CPAP: variants seen among roughly 807,000 people sequenced by gnomAD.
CPAP encodes the protein centrosomal P4.1-associated protein.
the CPAP span, among the ~76,000 whole-genome samples, chr13:24,897,157 G>A: frequency 2.6e-5 from 4 of 152,256 alleles, no homozygotes; most frequent in African/African-American, 7.2e-5. Flanking sequence ...CAGGAGAATC[G>A]CTTGAATCTG....
At chr13:24,933,968 C>T in the CPAP span, among the ~76,000 whole-genome samples, 1 of 152,146 alleles carries the variant, frequency 6.6e-6, no homozygotes, top group African/African-American at 2.4e-5. Context: ...TCATGTCATC[C>T]GCCTGTCTCG....
At chr13:24,916,428 T>C in the CPAP span, among the ~76,000 whole-genome samples, 2 of 151,910 alleles carry the variant, frequency 1.3e-5, no homozygotes, top group Non-Finnish European at 2.9e-5. Context: ...GAAAAAGAAA[T>C]ACAGATGCCA....
the CPAP span, among the ~76,000 whole-genome samples, chr13:24,905,033 T>C: frequency 1.3e-5 from 2 of 152,202 alleles, no homozygotes; most frequent in African/African-American, 4.8e-5. Flanking sequence ...CATATGCTTT[T>C]ATATGCACGG....
chr13:24,912,631 T>A, the CPAP span: 10 of 1,613,736 alleles, frequency 6.2e-6, no homozygotes, highest in South Asian at 1.1e-4. Flanking sequence ...TTCTTTGAAT[T>A]CACTCGCAAG....
chr13:24,896,651 G>C, the CPAP span, among the ~76,000 whole-genome samples: 1 of 152,198 alleles, frequency 6.6e-6, no homozygotes, highest in Non-Finnish European at 1.5e-5. Flanking sequence ...AAAGAAGTGT[G>C]TTTGCTCTGG....
chr13:24,904,976 A>G, the CPAP span, among the ~76,000 whole-genome samples: 1 of 152,180 alleles, frequency 6.6e-6, no homozygotes, highest in Admixed American at 6.5e-5. Context: ...AGTATACAAA[A>G]AGAGTCTTTT....
chr13:24,932,922 TCCAG>T, the CPAP span: 3 of 792,682 alleles, frequency 3.8e-6, no homozygotes, highest in Admixed American at 5.1e-5. Flanking sequence ...GCCTAATTTT[TCCAG>T]TTTGTATGTA....
chr13:24,884,170 C>A, the CPAP span: 1 of 1,614,054 alleles, frequency 6.2e-7, no homozygotes, highest in Non-Finnish European at 8.5e-7. Context: ...CCTATTTGTC[C>A]ACTTGAGAAA....
At chr13:24,908,153 G>T in the CPAP span, 1 of 1,508,976 alleles carries the variant, frequency 6.6e-7, no homozygotes, top group South Asian at 1.1e-5. Context: ...GAACAATTTA[G>T]CTCAAGAAAA....
chr13:24,884,591 T>C, the CPAP span: 1 of 916,756 alleles, frequency 1.1e-6, no homozygotes, highest in African/African-American at 1.6e-5. Context: ...AAAGATCCTT[T>C]ATTTCGTGAG....
the CPAP span, chr13:24,933,371 G>A: frequency 2.5e-6 from 1 of 395,264 alleles, no homozygotes. Context: ...CATGTCCAGT[G>A]AGGCAGGATA....
chr13:24,908,242 C>G, the CPAP span: 2 of 706,598 alleles, frequency 2.8e-6, no homozygotes, highest in East Asian at 5.6e-5. Flanking sequence ...TAATGTATAT[C>G]ACAGATTTTA....
the CPAP span, chr13:24,885,589 TA>T: frequency 6.3e-7 from 1 of 1,578,366 alleles, no homozygotes; most frequent in Non-Finnish European, 8.7e-7. Flanking sequence ...GAAGAATATA[TA>T]AAAACAGAGA....
the CPAP span, among the ~76,000 whole-genome samples, chr13:24,923,091 T>C: frequency 1.3e-5 from 2 of 152,134 alleles, no homozygotes; most frequent in Non-Finnish European, 2.9e-5. Context: ...AGACCTTCCG[T>C]GGTGGACGTC....
chr13:24,909,482 T>A, the CPAP span, among the ~76,000 whole-genome samples: 1 of 151,390 alleles, frequency 6.6e-6, no homozygotes, highest in Non-Finnish European at 1.5e-5. Flanking sequence ...GAGCTGAGAT[T>A]GTGCCACTGC....
the CPAP span, among the ~76,000 whole-genome samples, chr13:24,923,866 TTGCC>T: frequency 6.6e-6 from 1 of 152,230 alleles, no homozygotes; most frequent in African/African-American, 2.4e-5. Context: ...TCTCGCTCTG[TTGCC>T]CAGGCTGGAG....
At chr13:24,893,702 T>C in the CPAP span, among the ~76,000 whole-genome samples, 109 of 152,388 alleles carry the variant, frequency 7.2e-4, 1 homozygote, top group Admixed American at 2.3e-3. Flanking sequence ...AGACGGATTA[T>C]GACCAATAAA....
the CPAP span, chr13:24,883,349 T>C: frequency 6.2e-7 from 1 of 1,609,906 alleles, no homozygotes; most frequent in East Asian, 2.2e-5. Context: ...ATTATTAAAC[T>C]CTATGAGTTT....
chr13:24,908,624 G>A, the CPAP span, among the ~76,000 whole-genome samples: 1 of 128,564 alleles, frequency 7.8e-6, no homozygotes, highest in Non-Finnish European at 1.7e-5. Flanking sequence ...AAAGACACTT[G>A]ACATTCTTCA....
Sources: gnomAD v4.1 joint callset for allele counts (sites outside exome capture counted in the v4.1 genomes callset) on GRCh38, gnomAD v4.1.1 for gene constraint, MANE v1.5 for transcripts, NCBI Gene and HGNC (gene_info 2026-07-23, HGNC 2026-07-21) for gene names.